Variants in TLN2 observed in about 807,000 individuals in gnomAD.
The protein encoded by TLN2 is talin-2.
In TLN2, 118 loss-of-function variants were observed where a neutral mutation model predicts 294.7. The observed-to-expected ratio is 0.40, with a 90% confidence interval of 0.34 to 0.47. The LOEUF (loss-of-function observed/expected upper bound fraction) is 0.47. TLN2 is among the 20% of genes least tolerant of loss of function. The pLI, the probability that TLN2 is intolerant of heterozygous loss-of-function variation, is 0.84. For missense variants in TLN2, 3,083 were observed against 3,282.2 expected (o/e 0.94, Z 1.48); for synonymous variants, 1,431 against 1,304.5 (o/e 1.10, Z -2.09).
rs1255352070 is a variant in TLN2, at chr15:62,702,170, G to A, written c.1875G>A (p.Leu625=). The A allele has an allele frequency of 1.2e-6, 2 of 1,608,344 alleles. No homozygotes were observed. Among genetic ancestry groups the A allele is most frequent in the South Asian group, 2.2e-5 (2 of 90,286 alleles). ...ARTLAGAVSD[L]LKAVQPTSGE... is the part of the protein sequence containing the mutation. ...CCCTCGCTGGGGCGGTGTCAGACTTGCTGAAAGCTGTGCAGCCTACTTCTG... is the reference window on the plus strand; with the variant it reads ...CCCTCGCTGGGGCGGTGTCAGACTTACTGAAAGCTGTGCAGCCTACTTCTG... Residue 625 remains leucine, a synonymous_variant, in exon 18 of 59, where the codon TTG becomes TTA. Coordinates refer to ENST00000636159, the MANE Select transcript of TLN2 (RefSeq NM_015059.3).
At chr15:62,698,693 TAA>T in intron 15 of TLN2, 59 bp from the exon 16 acceptor site, 1 of 1,417,784 alleles carries the variant, frequency 7.1e-7, no homozygotes, top group Non-Finnish European at 9.8e-7. Flanking sequence ...TTGTTTTGCA[TAA>T]AGGGCCATGT....
chr15:62,748,137 G>A (rs1271550543), intron 32 of TLN2, among the ~76,000 whole-genome samples: 5 of 152,120 alleles, frequency 3.3e-5, no homozygotes. Context: ...TCCAGATCTA[G>A]CAAATGAATA....
intron 37 of TLN2, 114 bp from the exon 38 acceptor site, chr15:62,761,567 G>T: frequency 6.9e-7 from 1 of 1,450,016 alleles, no homozygotes. Flanking sequence ...GAAGTCACCA[G>T]AGATTTTCAG....
chr15:62,696,968 C>T (rs148408241), intron 14 of TLN2, among the ~76,000 whole-genome samples: 2 of 152,200 alleles, frequency 1.3e-5, no homozygotes, highest in East Asian at 3.9e-4. Context: ...ATCTCTGATG[C>T]CTAGAATGGA....
intron 1 of TLN2, among the ~76,000 whole-genome samples, chr15:62,402,830 C>T (rs528693277): frequency 6.6e-6 from 1 of 152,340 alleles, no homozygotes; most frequent in Admixed American, 6.5e-5. Flanking sequence ...TGAATGAGAT[C>T]CTGTCCTCTC....
At chr15:62,595,129 C>A (rs538327574) in intron 2 of TLN2, among the ~76,000 whole-genome samples, 15 of 152,204 alleles carry the variant, frequency 9.9e-5, no homozygotes, top group African/African-American at 3.1e-4. Flanking sequence ...ATCATCAAAA[C>A]AATGAAAGAT....
At chr15:62,410,001 T>C (rs1249728617) in intron 1 of TLN2, among the ~76,000 whole-genome samples, 1 of 152,214 alleles carries the variant, frequency 6.6e-6, no homozygotes, top group African/African-American at 2.4e-5. Context: ...CCCAGTACTT[T>C]GGGAGGCCGA....
chr15:62,467,872 A>G (rs2037233040), intron 1 of TLN2, among the ~76,000 whole-genome samples: 1 of 152,182 alleles, frequency 6.6e-6, no homozygotes, highest in Non-Finnish European at 1.5e-5. Context: ...AGATAATTTT[A>G]TAATCCCTGC....
At chr15:62,740,880 C>T (rs1465974748) in intron 32 of TLN2, 111 bp downstream of exon 32, 1 of 1,421,064 alleles carries the variant, frequency 7.0e-7, no homozygotes, top group African/African-American at 1.4e-5. Flanking sequence ...TGGTGCTGTC[C>T]TTAGGTCATG....
intron 1 of TLN2, among the ~76,000 whole-genome samples, chr15:62,490,299 A>AT (rs2038638421): frequency 1.3e-5 from 2 of 152,200 alleles, no homozygotes; most frequent in African/African-American, 4.8e-5. Flanking sequence ...TTGTTTATGA[A>AT]TTTTTTAAAA....
At chr15:62,524,738 C>T (rs2040645784) in intron 1 of TLN2, among the ~76,000 whole-genome samples, 1 of 152,174 alleles carries the variant, frequency 6.6e-6, no homozygotes, top group Admixed American at 6.5e-5. Flanking sequence ...TGGGCTGCCT[C>T]ATACATGCAT....
Position 62,444,200 on chromosome 15 carries a change from G to A in TLN2, c.-238+53515G>A, listed in dbSNP as rs2035698180. ...AGGGAAATATTGAGGAGGAGGGTGA[G>A]GCTAGTAATTCTGGATGCTGCTTAG... On this transcript the variant is annotated intron_variant, in intron 1 of 58. Transcript: ENST00000636159. Among the ~76,000 whole-genome samples the A allele has an allele frequency of 2.0e-5, 3 of 152,198 alleles. No homozygotes were observed. In the South Asian group the frequency reaches 6.2e-4, roughly 32 times the overall value.
intron 47 of TLN2, among the ~76,000 whole-genome samples, chr15:62,796,633 C>T (rs754523879): frequency 6.6e-6 from 1 of 152,142 alleles, no homozygotes; most frequent in African/African-American, 2.4e-5. Flanking sequence ...GCATATTTCG[C>T]TTAAACCCTG....
intron 54 of TLN2, among the ~76,000 whole-genome samples, chr15:62,825,689 CTAAAAATACAATATATATATAAA>C (rs1332767372): frequency 3.8e-5 from 5 of 132,828 alleles, no homozygotes; most frequent in Non-Finnish European, 7.7e-5. Flanking sequence ...CCAGTCTCTA[CTAAAAATACAATATATATATAAA>C]TATAAATATA....
intron 1 of TLN2, among the ~76,000 whole-genome samples, chr15:62,451,750 G>C (rs448507): frequency 0.86 from 130,392 of 152,256 alleles, 56,058 homozygotes; most frequent in East Asian, 0.99. Flanking sequence ...CTGTCCTCAA[G>C]TAGCTTTTGG....
chr15:62,729,313 G>A (rs933114227), intron 28 of TLN2, among the ~76,000 whole-genome samples: 1 of 152,260 alleles, frequency 6.6e-6, no homozygotes, highest in Admixed American at 6.5e-5. Context: ...AGTTAGTGTT[G>A]ATTATTCTTG....
At chr15:62,401,874 A>C (rs1021276693) in intron 1 of TLN2, among the ~76,000 whole-genome samples, 11 of 152,182 alleles carry the variant, frequency 7.2e-5, no homozygotes, top group African/African-American at 2.7e-4. Flanking sequence ...GATTCTAGAC[A>C]AGGAGGATAT....
chr15:62,481,584 ACTCTGGGCTCACACGATC>A (rs775762391), intron 1 of TLN2, among the ~76,000 whole-genome samples: 3 of 151,640 alleles, frequency 2.0e-5, no homozygotes, highest in Non-Finnish European at 4.4e-5. Context: ...TTGGTCTAGA[ACTCTGGGCTCACACGATC>A]CTCCCACCTC....
Position 62,781,223 on chromosome 15 carries a change from G to A in TLN2, c.5598G>A (p.Ala1866=), listed in dbSNP as rs763448050. 105 of 1,613,846 alleles carry A rather than the reference G, an allele frequency of 6.5e-5. 1 individual carries two copies. The highest frequency in any genetic ancestry group is 8.2e-5 in the Non-Finnish European group (97 of 1,179,912). Residue 1866 remains alanine, a synonymous_variant, in exon 44 of 59, where the codon GCG becomes GCA. Transcript: ENST00000636159. ...TTVVKYSKAI[A]VTAQEMMTKS... The stretch of plus-strand genomic sequence containing the variant: ...TGGTTAAATACTCCAAAGCCATTGC[G>A]GTGACAGCTCAGGAAATGGTAAGAG...
Sources: gnomAD v4.1 joint callset for allele counts (sites outside exome capture counted in the v4.1 genomes callset) on GRCh38, gnomAD v4.1.1 for gene constraint, MANE v1.5 for transcripts, NCBI Gene and HGNC (gene_info 2026-07-23, HGNC 2026-07-21) for gene names.